The following PDE4C variants were observed in gnomAD, a reference collection of about 807,000 sequenced individuals.
The protein encoded by PDE4C is 3',5'-cyclic-AMP phosphodiesterase 4C.
In PDE4C, 50 loss-of-function variants were observed where a neutral mutation model predicts 63.9. The observed-to-expected ratio is 0.78, with a 90% CI of 0.62 to 0.99. PDE4C has a LOEUF of 0.99. PDE4C is among the 50% of genes least tolerant of loss of function. The pLI is 0.00. For missense variants in PDE4C, 777 were observed against 899.1 expected, an observed-to-expected ratio of 0.86 and a Z score of 1.74; for synonymous variants, 377 against 385.1, an observed-to-expected ratio of 0.98 and a Z score of 0.25.
chr19:18,245,990 C>T (rs1022242337), intron 1 of PDE4C, among the ~76,000 whole-genome samples: 3 of 151,430 alleles, frequency 2.0e-5, no homozygotes, highest in Admixed American at 6.6e-5. Flanking sequence ...ATTACAGGCA[C>T]CTGCCACCAT....
chr19:18,238,459 A>T (rs991481110), upstream of PDE4C, among the ~76,000 whole-genome samples: 1 of 151,566 alleles, frequency 6.6e-6, no homozygotes, highest in African/African-American at 2.4e-5. Context: ...GCTGGTCTCG[A>T]ACTCCTGACC....
upstream of PDE4C, among the ~76,000 whole-genome samples, chr19:18,235,205 G>C (rs1968930450): frequency 6.6e-6 from 1 of 152,076 alleles, no homozygotes. Flanking sequence ...GAGTCTCACT[G>C]TGTTACCCAG....
At chr19:18,224,474 T>C (rs1968639370) in intron 1 of PDE4C, 2 of 985,294 alleles carry the variant, frequency 2.0e-6, no homozygotes, top group Non-Finnish European at 2.4e-6. Flanking sequence ...CGGGTCTGAG[T>C]TGGGTCTGAT....
the PDE4C span, among the ~76,000 whole-genome samples, chr19:18,253,688 C>T: frequency 2.0e-5 from 3 of 152,228 alleles, no homozygotes; most frequent in East Asian, 5.8e-4. Flanking sequence ...CTAACCTCAA[C>T]TTTAATGGAA....
intron 12 of PDE4C, 58 bp from the exon 13 acceptor site, chr19:18,213,548 C>G: frequency 6.5e-7 from 1 of 1,547,960 alleles, no homozygotes; most frequent in Non-Finnish European, 8.8e-7. Context: ...CCAACCCTCA[C>G]TCCCAACTCC....
In PDE4C at chr19:18,220,941, C is replaced by G. The variant is rs528031962; in HGVS notation, c.450-18G>C. 10 of 1,596,804 alleles carry G rather than the reference C, an allele frequency of 6.3e-6. No individual in the cohort carries two copies. Among genetic ancestry groups the G allele is most frequent in the Non-Finnish European group, 8.5e-6 (10 of 1,173,538 alleles). On this transcript the variant is annotated intron_variant, in intron 4 of 14. Transcript: ENST00000262805. This position sits in a 1 kb window ranked among gnomAD's most constrained non-coding sequence, Gnocchi z 5.1. The stretch of plus-strand genomic sequence containing the variant: ...GTCCCTGCCTGCGGTACAGCAGCCT[C>G]AGGCGTGGCTGCTCCGCCCATCTCG...
exon 2 of PDE4C, chr19:18,222,134 G>C (rs374792253): frequency 2.3e-5 from 37 of 1,606,062 alleles, no homozygotes; most frequent in Non-Finnish European, 2.7e-5. Context: ...AGACTCACAG[G>C]TCGCTGGCCA....
chr19:18,220,216 CAA>C lies in PDE4C; in HGVS notation c.706+8_706+9del. 2 of 1,610,738 alleles carry C rather than the reference CAA, an allele frequency of 1.2e-6. No homozygotes were observed. Among genetic ancestry groups the C allele is most frequent in the Non-Finnish European group, 1.7e-6 (2 of 1,177,096 alleles). ...AAATGTCGTCCAGGCAGTGACTCAA[CAA>C]AGCTCACCCAGGAAGGTCCGGGAGA... On this transcript the variant is annotated splice_region_variant and intron_variant, in intron 7 of 14. Coordinates refer to ENST00000262805, the Ensembl canonical transcript of PDE4C. The surrounding 1 kb of genome is among the most constrained non-coding windows in gnomAD (Gnocchi z 5.1).
At chr19:18,251,681 C>CCCCCCCCCCCG (rs1443298373), upstream of PDE4C, among the ~76,000 whole-genome samples, 2 of 73,822 alleles carry the variant, frequency 2.7e-5, no homozygotes, top group African/African-American at 9.5e-5. Flanking sequence ...GATACACGCC[C>CCCCCCCCCCCG]CCCCCGCCCC....
At chr19:18,221,014 G>A in intron 4 of PDE4C, 91 bp from the exon 5 acceptor site, 2 of 1,428,478 alleles carry the variant, frequency 1.4e-6, no homozygotes, top group Non-Finnish European at 1.9e-6. Flanking sequence ...CCACCTGGAG[G>A]CGCCGGAGCC....
chr19:18,213,109 C>G (rs982459668), intron 13 of PDE4C, among the ~76,000 whole-genome samples: 3 of 150,574 alleles, frequency 2.0e-5, no homozygotes, highest in Admixed American at 1.3e-4. Context: ...GGTGAAACCC[C>G]GTCTCTACTA....
At chr19:18,241,377 C>T (rs575398097) in intron 1 of PDE4C, among the ~76,000 whole-genome samples, 12 of 150,322 alleles carry the variant, frequency 8.0e-5, no homozygotes, top group East Asian at 5.9e-4. Flanking sequence ...CACCATTCTC[C>T]GGCCTCAGCT....
In PDE4C at chr19:18,226,462, C is replaced by A. The variant is rs1968731939; in HGVS notation, c.-47G>T. 7 of 1,331,970 alleles carry A rather than the reference C, an allele frequency of 5.3e-6. No homozygotes were observed. The Admixed American group carries it at 2.0e-4, about 39-fold the overall frequency. 82.5% of individuals were successfully genotyped at this position (1,331,970 alleles called of 1,614,324 possible). A position where few individuals can be genotyped will look rare whatever the true frequency, so the allele number is the denominator to read the frequency against. On this transcript the variant is annotated 5_prime_UTR_variant, in exon 1 of 15. Coordinates refer to ENST00000262805, the Ensembl canonical transcript of PDE4C. ...GGACCGAGCGCCGGCTGCGCGGGAC[C>A]TTTTCTGGACAGCTGCGGGGGCGGG...
At chr19:18,224,423 G>A in intron 1 of PDE4C, 2 of 985,624 alleles carry the variant, frequency 2.0e-6, no homozygotes, top group South Asian at 4.7e-5. Flanking sequence ...TCAGATCTGG[G>A]TAGAGGTGGG....
chr19:18,238,272 T>G (rs534952208), upstream of PDE4C, among the ~76,000 whole-genome samples: 68 of 151,702 alleles, frequency 4.5e-4, no homozygotes, highest in African/African-American at 1.6e-3. Context: ...GTCTCGCTCT[T>G]TCAACCACAT....
intron 1 of PDE4C, among the ~76,000 whole-genome samples, chr19:18,223,682 C>A (rs998912620): frequency 6.6e-6 from 1 of 152,346 alleles, no homozygotes; most frequent in East Asian, 1.9e-4. Flanking sequence ...AGCCCATCCC[C>A]GAGAGCTCTT....
At position 18,220,768 on chromosome 19, in the gene PDE4C, G is replaced by A. The variant is rs1968429873; in HGVS notation, c.499+106C>T. ...GGCGTTATTGTTTTTGCAGGGGCGG[G>A]GCTACAATTAGCCCCAGTATAAGGG... On this transcript the variant is annotated intron_variant, in intron 5 of 14. Coordinates refer to ENST00000262805, the Ensembl canonical transcript of PDE4C. This position sits in a 1 kb window ranked among gnomAD's most constrained non-coding sequence, Gnocchi z 5.1. 3.5e-6 allele frequency: 4 copies of A among 1,126,828 alleles called. No homozygotes were observed. Among genetic ancestry groups the A allele is most frequent in the Non-Finnish European group, 5.3e-6 (4 of 756,098 alleles). 69.8% of individuals were successfully genotyped at this position (1,126,828 alleles called of 1,614,324 possible).
the PDE4C span, chr19:18,255,302 C>A: frequency 2.5e-6 from 1 of 399,228 alleles, no homozygotes; most frequent in African/African-American, 2.1e-5. This position sits in a 1 kb window ranked among gnomAD's most constrained non-coding sequence, Gnocchi z 4.6. Flanking sequence ...GCTGGGGGCA[C>A]GCCATTCCTG....
rs1417935398 is a variant in PDE4C, at chr19:18,220,504, G to C, written c.511C>G (p.Gln171Glu). 1 of 1,613,424 alleles carries C rather than the reference G, an allele frequency of 6.2e-7. No homozygotes were observed. The highest frequency in any genetic ancestry group is 8.5e-7 in the Non-Finnish European group (1 of 1,179,830). The change falls in exon 6 of 15, where the codon CAG (glutamine) becomes GAG (glutamate). Residue 171 changes from glutamine (Q) to glutamate (E), a missense_variant. By Grantham distance (29) the Gln-to-Glu change is conservative. Around this residue, in one of 3 missense-constraint regions of PDE4C, gnomAD observed 249 missense variants for 247.8 expected, o/e 1.00. Coordinates refer to ENST00000262805, the Ensembl canonical transcript of PDE4C. This position sits in a 1 kb window ranked among gnomAD's most constrained non-coding sequence, Gnocchi z 5.1. The stretch of plus-strand genomic sequence containing the variant: ...TCTAGCGTCTCCAATGCCAGCTTCT[G>C]CCCCGTGTCCTCTGGGAGCCGAGGC...
Sources: gnomAD v4.1 joint callset for allele counts (sites outside exome capture counted in the v4.1 genomes callset) on GRCh38, gnomAD v4.1.1 for gene constraint, gnomAD v4.1.1 regional missense constraint, Gnocchi (gnomAD v3.1) non-coding constraint, MANE v1.5 for transcripts, NCBI Gene and HGNC (gene_info 2026-07-23, HGNC 2026-07-21) for gene names.